Variants in SLC22A24 observed in about 807,000 individuals in gnomAD.
The protein encoded by SLC22A24 is steroid transmembrane transporter SLC22A24.
A neutral mutation model predicts 49.8 loss-of-function variants in SLC22A24; 53 were observed. That is an observed-to-expected ratio of 1.06 (90% CI 0.85 to 1.34). The LOEUF (loss-of-function observed/expected upper bound fraction) is 1.34. Ranked by LOEUF, SLC22A24 falls within the 40% of genes most tolerant of loss-of-function variation. The pLI, the probability that SLC22A24 is intolerant of heterozygous loss-of-function variation, is 0.00. For missense variants in SLC22A24, 786 were observed against 675.9 expected (o/e 1.16, Z -1.81); for synonymous variants, 302 against 256.4 (o/e 1.18, Z -1.70).
intron 6 of SLC22A24, among the ~76,000 whole-genome samples, chr11:63,085,828 A>G (rs1285756513): frequency 6.6e-6 from 1 of 152,216 alleles, no homozygotes; most frequent in East Asian, 1.9e-4. Flanking sequence ...GCCAAAACCA[A>G]TGATTATTCT....
At chr11:63,140,027 A>C (rs1376792191) in intron 1 of SLC22A24, among the ~76,000 whole-genome samples, 1 of 150,206 alleles carries the variant, frequency 6.7e-6, no homozygotes, top group Non-Finnish European at 1.5e-5. Context: ...TTTTGTTCAC[A>C]TGTCTTTAGT....
At chr11:63,081,916 T>C (rs1202468530) in intron 7 of SLC22A24, among the ~76,000 whole-genome samples, 2 of 152,304 alleles carry the variant, frequency 1.3e-5, no homozygotes, top group East Asian at 1.9e-4. Context: ...GTATTGCCAA[T>C]TAAGGTGGGG....
intron 2 of SLC22A24, among the ~76,000 whole-genome samples, chr11:63,127,258 T>A (rs535357225): frequency 6.6e-6 from 1 of 152,286 alleles, no homozygotes; most frequent in South Asian, 2.1e-4. Flanking sequence ...GATAGTTTGT[T>A]TAGAATGATG....
chr11:63,126,796 G>A (rs760357833), intron 2 of SLC22A24, among the ~76,000 whole-genome samples: 60 of 152,096 alleles, frequency 3.9e-4, no homozygotes, highest in Non-Finnish European at 8.1e-4. Context: ...CATGAGCATG[G>A]AATGTTTTTC....
intron 6 of SLC22A24, among the ~76,000 whole-genome samples, chr11:63,087,905 C>A (rs2086997117): frequency 6.6e-6 from 1 of 152,124 alleles, no homozygotes; most frequent in Non-Finnish European, 1.5e-5. Context: ...GGCAACAGCC[C>A]CAGTAAGAGG....
intron 4 of SLC22A24, among the ~76,000 whole-genome samples, chr11:63,110,084 G>A (rs1246981475): frequency 6.6e-6 from 1 of 151,826 alleles, no homozygotes; most frequent in African/African-American, 2.4e-5. Context: ...AGTTTTCCCA[G>A]CACCATTTAT....
chr11:63,118,534 T>C (rs1050166510), intron 4 of SLC22A24: 17 of 415,826 alleles, frequency 4.1e-5, no homozygotes, highest in Non-Finnish European at 6.0e-5. Context: ...TAAATAGTTA[T>C]GTAGATAAAT....
chr11:63,132,838 G>A (rs1352517026), intron 2 of SLC22A24, among the ~76,000 whole-genome samples: 11 of 152,302 alleles, frequency 7.2e-5, no homozygotes, highest in Middle Eastern at 3.4e-3. Context: ...TCTCTTCAGA[G>A]CTGTCAGACA....
chr11:63,094,445 G>A (rs569004827), intron 6 of SLC22A24, among the ~76,000 whole-genome samples: 4 of 152,036 alleles, frequency 2.6e-5, no homozygotes, highest in African/African-American at 9.7e-5. Context: ...AAACATACAT[G>A]TGCATGTGTC....
chr11:63,103,389 A>G (rs1226455379), intron 5 of SLC22A24, among the ~76,000 whole-genome samples: 2 of 152,126 alleles, frequency 1.3e-5, no homozygotes, highest in Non-Finnish European at 2.9e-5. Context: ...ATATGATAGC[A>G]CCTATTCTAT....
At chr11:63,118,834 A>T (rs768496511) in intron 4 of SLC22A24, 78 bp downstream of exon 4, 23 of 1,457,172 alleles carry the variant, frequency 1.6e-5, no homozygotes, top group Non-Finnish European at 2.0e-5. Context: ...GACCGAACAG[A>T]TCCCAGGTGT....
At chr11:63,106,220 A>G (rs865797104) in intron 4 of SLC22A24, among the ~76,000 whole-genome samples, 1 of 151,806 alleles carries the variant, frequency 6.6e-6, no homozygotes, top group Non-Finnish European at 1.5e-5. Flanking sequence ...GCTGAGAACG[A>G]TGGTTTCCAG....
intron 2 of SLC22A24, among the ~76,000 whole-genome samples, chr11:63,128,752 T>C (rs1310762556): frequency 6.6e-6 from 1 of 152,182 alleles, no homozygotes; most frequent in Non-Finnish European, 1.5e-5. Context: ...TTACCTATCA[T>C]TGGAGATGGC....
At chr11:63,141,211 A>G (rs186807500) in intron 1 of SLC22A24, among the ~76,000 whole-genome samples, 3 of 152,366 alleles carry the variant, frequency 2.0e-5, no homozygotes. Flanking sequence ...AAACTTTAAC[A>G]TTAAAGATGC....
At chr11:63,125,243 G>T (rs2087281621) in intron 2 of SLC22A24, among the ~76,000 whole-genome samples, 1 of 152,032 alleles carries the variant, frequency 6.6e-6, no homozygotes, top group Non-Finnish European at 1.5e-5. Context: ...GTGCCATGGT[G>T]GTTTGCTGCA....
intron 7 of SLC22A24, among the ~76,000 whole-genome samples, chr11:63,082,217 G>T (rs2086964209): frequency 6.6e-6 from 1 of 152,182 alleles, no homozygotes; most frequent in African/African-American, 2.4e-5. Flanking sequence ...TTATTTGGGA[G>T]TGGACAGTGT....
intron 1 of SLC22A24, among the ~76,000 whole-genome samples, chr11:63,142,361 T>C (rs902567784): frequency 1.3e-5 from 2 of 152,174 alleles, no homozygotes; most frequent in Non-Finnish European, 2.9e-5. Context: ...AAACTGCCTT[T>C]GCAAAATTAT....
At position 63,108,717 on chromosome 11, in the gene SLC22A24, C is replaced by A. The variant is rs564847412; in HGVS notation, c.831-4419G>T. Among the ~76,000 whole-genome samples the A allele has an allele frequency of 9.7e-4, 147 of 152,020 alleles. 1 individual carries two copies. Among genetic ancestry groups the A allele is most frequent in the Non-Finnish European group, 1.5e-3 (100 of 67,990 alleles). On this transcript the variant is annotated intron_variant, in intron 4 of 9. Transcript: ENST00000612278. ...TCTTTTAGATTTTCTAGTTTATTTG[C>A]ATAGAGGTGTTTATAGTATTCTCTG...
chr11:63,121,919 TAAA>T (rs2087255333), intron 2 of SLC22A24, among the ~76,000 whole-genome samples: 1 of 151,802 alleles, frequency 6.6e-6, no homozygotes, highest in Admixed American at 6.6e-5. Flanking sequence ...CTTGAAGAAA[TAAA>T]AACATTAATA....
Sources: allele counts gnomAD v4.1 joint callset (sites outside exome capture counted in the v4.1 genomes callset), GRCh38; gene constraint gnomAD v4.1.1; transcripts MANE v1.5; gene names NCBI Gene and HGNC (gene_info 2026-07-23, HGNC 2026-07-21).